Variants in PDE4DIP observed in about 807,000 individuals in gnomAD.
PDE4DIP encodes phosphodiesterase 4D interacting protein, also known as myomegalin.
PDE4DIP carries 59 observed loss-of-function variants against 221.4 expected under a neutral mutation model. That is an observed-to-expected ratio of 0.27 (90% CI 0.22 to 0.33). The LOEUF (loss-of-function observed/expected upper bound fraction) is 0.33. PDE4DIP is among the 10% of genes least tolerant of loss of function. The probability of loss-of-function intolerance (pLI) is 1.00; values close to 1 mark genes in which losing one functional copy is unlikely to be tolerated. For synonymous variants in PDE4DIP, 404 were observed against 815.9 expected, an observed-to-expected ratio of 0.50 and a Z score of 8.60; for missense variants, 1,036 against 2,154.2, an observed-to-expected ratio of 0.48 and a Z score of 10.28.
rs1367154394 is a variant in PDE4DIP at position 148,926,567 on chromosome 1, G to A, written c.142-2630G>A. Among the ~76,000 whole-genome samples, 5 of 144,138 alleles carry A rather than the reference G, an allele frequency of 3.5e-5. No homozygotes were observed. The South Asian group carries it at 6.8e-4, about 20-fold the overall frequency. The allele number at this position is 144,138 out of a possible 152,430, so 94.6% of individuals were successfully genotyped here. On this transcript the variant is annotated intron_variant, in intron 1 of 43. Coordinates refer to ENST00000369354, the Ensembl canonical transcript of PDE4DIP. ...TAATTAAAATTATAGTTATACCTGT[G>A]TTAGAAACACTGTCCTAAGTCCTTT...
chr1:148,967,712 C>T lies in PDE4DIP; in HGVS notation c.1606-14C>T, dbSNP rs1350920239. 3 of 1,508,704 alleles carry T rather than the reference C, an allele frequency of 2.0e-6. No individual in the cohort carries two copies. Among genetic ancestry groups the T allele is most frequent in the Non-Finnish European group, 1.8e-6 (2 of 1,084,640 alleles). The allele number at this position is 1,508,704 out of a possible 1,614,324, so 93.5% of individuals were successfully genotyped here. On this transcript the variant is annotated splice_polypyrimidine_tract_variant and intron_variant, in intron 12 of 43. Transcript: ENST00000369354. Reference sequence around the variant, plus strand: ...AATCATTTTGACTGATTATTGCTCTCTTTATGGCTGTAGAGTATGGAGAGT... The same window carrying T: ...AATCATTTTGACTGATTATTGCTCTTTTTATGGCTGTAGAGTATGGAGAGT...
chr1:148,819,850 C>T (rs1426070083), intron 1 of PDE4DIP, among the ~76,000 whole-genome samples: 1 of 79,820 alleles, frequency 1.3e-5, no homozygotes, highest in African/African-American at 6.4e-5. Flanking sequence ...TTTTAGTATG[C>T]TGTGTAAGTT....
At chr1:148,968,138 A>G (rs1187554314) in intron 13 of PDE4DIP, among the ~76,000 whole-genome samples, 1 of 148,552 alleles carries the variant, frequency 6.7e-6, no homozygotes, top group African/African-American at 2.5e-5. Context: ...CAAAAATTGC[A>G]TCTTTAACAT....
chr1:148,889,070 G>A (rs1336172599), upstream of PDE4DIP, among the ~76,000 whole-genome samples: 1 of 151,608 alleles, frequency 6.6e-6, no homozygotes, highest in Admixed American at 6.6e-5. Flanking sequence ...CATTAGAAGT[G>A]AGCTCTGGAT....
intron 1 of PDE4DIP, among the ~76,000 whole-genome samples, chr1:148,912,058 G>A (rs1343482069): frequency 6.8e-6 from 1 of 146,344 alleles, no homozygotes; most frequent in African/African-American, 2.6e-5. Flanking sequence ...GGGGATCATG[G>A]GGAGCCACAC....
chr1:148,970,907 A>G (rs2312706), intron 14 of PDE4DIP, among the ~76,000 whole-genome samples: 11 of 152,194 alleles, frequency 7.2e-5, no homozygotes, highest in Non-Finnish European at 1.6e-4. Context: ...AGGTTTTTTC[A>G]TATTTCCCCT....
intron 5 of PDE4DIP, chr1:148,953,072 C>T (rs781917794): frequency 2.5e-6 from 4 of 1,613,964 alleles, no homozygotes; most frequent in African/African-American, 1.3e-5. Context: ...CAGTATGTAT[C>T]GGAAGAATAA....
chr1:148,987,748 C>T (rs587691738), intron 21 of PDE4DIP, among the ~76,000 whole-genome samples: 1 of 152,114 alleles, frequency 6.6e-6, no homozygotes, highest in East Asian at 1.9e-4. Flanking sequence ...GGTCTTGACT[C>T]CACCCAGTTT....
chr1:149,009,677 C>T (rs782235694), exon 30 of PDE4DIP: 69 of 1,613,998 alleles, frequency 4.3e-5, no homozygotes, highest in South Asian at 3.8e-4. Context: ...TGACTCCCAC[C>T]GCTCTCCCAG....
chr1:148,927,486 C>G (rs1573571060), intron 1 of PDE4DIP, among the ~76,000 whole-genome samples: 1 of 151,990 alleles, frequency 6.6e-6, no homozygotes, highest in African/African-American at 2.4e-5. Context: ...TTCGACCACC[C>G]TGCATGGAAA....
chr1:148,969,780 C>G (rs2058852122), intron 14 of PDE4DIP, among the ~76,000 whole-genome samples: 2 of 150,010 alleles, frequency 1.3e-5, no homozygotes, highest in African/African-American at 2.5e-5. Context: ...AATCTTGGCT[C>G]ACTGCAACCT....
At chr1:148,967,973 T>G in intron 13 of PDE4DIP, 68 bp downstream of exon 16, 2 of 919,060 alleles carry the variant, frequency 2.2e-6, no homozygotes, top group Non-Finnish European at 3.3e-6. Flanking sequence ...GGATTAGGAC[T>G]CTTCAGATTG....
intron 5 of PDE4DIP, chr1:148,942,054 T>C (rs2050662201): frequency 6.6e-6 from 1 of 152,172 alleles, no homozygotes; most frequent in Admixed American, 6.5e-5. Flanking sequence ...CAACTGAGAA[T>C]ACCACAAACA....
intron 1 of PDE4DIP, among the ~76,000 whole-genome samples, chr1:148,846,444 CAAAAAAAA>C (rs143812422): frequency 3.7e-3 from 13 of 3,524 alleles, no homozygotes; most frequent in Non-Finnish European, 5.7e-3. Context: ...AACTCCGCCT[CAAAAAAAA>C]AAAAAAAAAA....
At position 148,937,447 on chromosome 1, in the gene PDE4DIP, C is replaced by T. The variant is rs1364237866; in HGVS notation, c.519-300C>T. On this transcript the variant is annotated intron_variant, in intron 4 of 43. Transcript: ENST00000369354. The stretch of plus-strand genomic sequence containing the variant: ...TGAATGGAACAGCCACTACCACCAC[C>T]ACCAAAAAATTCTAGGCCCTTATTC... 6.6e-5 allele frequency among the ~76,000 whole-genome samples: 10 copies of T among 152,070 alleles called. No individual in the cohort carries two copies. The East Asian group carries it at 1.9e-3, about 29-fold the overall frequency.
At chr1:149,012,692 C>G (rs1398291348) in exon 32 of PDE4DIP, 8 of 1,613,864 alleles carry the variant, frequency 5.0e-6, no homozygotes, top group Non-Finnish European at 6.8e-6. Flanking sequence ...TGGCCCTCTC[C>G]TCCTTGGCTG....
At chr1:148,949,258 GAAAAT>G (rs1159681670) in intron 5 of PDE4DIP, among the ~76,000 whole-genome samples, 2 of 150,670 alleles carry the variant, frequency 1.3e-5, no homozygotes, top group South Asian at 2.1e-4. Context: ...AAGGAAAAAA[GAAAAT>G]AAATGTCCAT....
intron 4 of PDE4DIP, among the ~76,000 whole-genome samples, chr1:148,936,643 G>T (rs1573796457): frequency 6.6e-6 from 1 of 152,156 alleles, no homozygotes; most frequent in Non-Finnish European, 1.5e-5. Context: ...AACACATTTT[G>T]TAGTCATATA....
At chr1:149,000,195 C>G (rs587656661) in intron 23 of PDE4DIP, among the ~76,000 whole-genome samples, 36 of 152,310 alleles carry the variant, frequency 2.4e-4, no homozygotes, top group Admixed American at 2.0e-3. Context: ...GCTGATCCTT[C>G]AAGTTGTGAA....
Sources: gnomAD v4.1 joint callset for allele counts (sites outside exome capture counted in the v4.1 genomes callset) on GRCh38, gnomAD v4.1.1 for gene constraint, MANE v1.5 for transcripts, NCBI Gene and HGNC (gene_info 2026-07-23, HGNC 2026-07-21) for gene names.